The following UNC13C variants were observed in gnomAD, a reference collection of about 807,000 sequenced individuals.
UNC13C encodes the protein protein unc-13 homolog C.
In UNC13C, 174 loss-of-function variants were observed where a neutral mutation model predicts 245.4. The ratio of observed to expected loss-of-function variants is 0.71; its 90% CI spans 0.63 to 0.80. The LOEUF (loss-of-function observed/expected upper bound fraction) is 0.80, where lower values mean the gene tolerates loss of function less well. Ranked by LOEUF, UNC13C falls within the 30% of genes least tolerant of loss-of-function variation. The probability of loss-of-function intolerance (pLI) is 0.00; values close to 1 mark genes in which losing one functional copy is unlikely to be tolerated. For missense variants in UNC13C, 2,829 were observed against 2,602.9 expected (o/e 1.09, Z -1.89); for synonymous variants, 992 against 895.1 (o/e 1.11, Z -1.93).
At chr15:53,994,887 G>A (rs1440851867) in intron 1 of UNC13C, among the ~76,000 whole-genome samples, 1 of 152,070 alleles carries the variant, frequency 6.6e-6, no homozygotes, top group Non-Finnish European at 1.5e-5. Flanking sequence ...CTGAACTAAG[G>A]TGGTAGCTCT....
chr15:54,000,106 A>G (rs1026485474), intron 1 of UNC13C, among the ~76,000 whole-genome samples: 8 of 152,120 alleles, frequency 5.3e-5, no homozygotes, highest in Non-Finnish European at 1.0e-4. Flanking sequence ...ATTGCTTGAG[A>G]CAAGCAATTC....
rs1454239920 is a variant in UNC13C, at chr15:54,057,044, T to C, written c.2983+41158T>C. Among the ~76,000 whole-genome samples, 3 of 152,258 alleles carry C rather than the reference T, an allele frequency of 2.0e-5. No homozygotes were observed. In the East Asian group the frequency reaches 5.8e-4, roughly 29 times the overall value. ...AAGACCATCAAGGCTAGGAAGAAAC[T>C]GCATCAACTAATGAGCAAAATAACC... On this transcript the variant is annotated intron_variant, in intron 2 of 32. Transcript: ENST00000260323.
Position 54,265,344 on chromosome 15 carries a change from G to T in UNC13C, c.3677-11G>T. The T allele has an allele frequency of 2.7e-6, 4 of 1,476,040 alleles. No individual in the cohort carries two copies. The highest frequency in any genetic ancestry group is 3.6e-6 in the Non-Finnish European group (4 of 1,109,132). The allele number at this position is 1,476,040 out of a possible 1,614,324, so 91.4% of individuals were successfully genotyped here. A position where few individuals can be genotyped will look rare whatever the true frequency, so the allele number is the denominator to read the frequency against. ...TCTGTATGTTAAAATGTTTATTTTG[G>T]TTTATTTCAGTGGTTTCTGCACAGG... On this transcript the variant is annotated splice_polypyrimidine_tract_variant and intron_variant, in intron 9 of 32. Coordinates refer to ENST00000260323, the MANE Select transcript of UNC13C (RefSeq NM_001080534.3).
intron 30 of UNC13C, among the ~76,000 whole-genome samples, chr15:54,606,381 C>A (rs1242566204): frequency 6.6e-6 from 1 of 152,132 alleles, no homozygotes; most frequent in Non-Finnish European, 1.5e-5. Context: ...TGCATGTGTT[C>A]CATATTTAAT....
At chr15:54,322,534 C>G (rs187440106) in intron 14 of UNC13C, among the ~76,000 whole-genome samples, 193 of 152,110 alleles carry the variant, frequency 1.3e-3, no homozygotes, top group Non-Finnish European at 2.1e-3. Flanking sequence ...GATAGTGGCA[C>G]ATCCTCTAAG....
chr15:54,095,037 C>T (rs1236580927), intron 2 of UNC13C, among the ~76,000 whole-genome samples: 1 of 152,194 alleles, frequency 6.6e-6, no homozygotes, highest in African/African-American at 2.4e-5. Flanking sequence ...CACACAGATT[C>T]TCACACAGGT....
chr15:54,313,321 C>A (rs1404064244), intron 13 of UNC13C, among the ~76,000 whole-genome samples: 2 of 151,724 alleles, frequency 1.3e-5, no homozygotes, highest in African/African-American at 4.8e-5. Context: ...TACACTCTAA[C>A]TCTACATCAA....
intron 16 of UNC13C, among the ~76,000 whole-genome samples, chr15:54,337,034 A>T (rs1172345878): frequency 6.6e-6 from 1 of 152,118 alleles, no homozygotes; most frequent in African/African-American, 2.4e-5. Flanking sequence ...TAAAACTTCA[A>T]CTCTGTCCTT....
At chr15:54,231,974 C>T (rs1194750625) in intron 4 of UNC13C, among the ~76,000 whole-genome samples, 4 of 152,060 alleles carry the variant, frequency 2.6e-5, no homozygotes, top group African/African-American at 4.8e-5. Flanking sequence ...TCCAAGATCG[C>T]TCCTGGTAAG....
intron 17 of UNC13C, among the ~76,000 whole-genome samples, chr15:54,366,223 A>G (rs2039362086): frequency 1.3e-5 from 2 of 152,110 alleles, no homozygotes; most frequent in Non-Finnish European, 2.9e-5. Flanking sequence ...TCTACATATA[A>G]TTTGGGTGGT....
the UNC13C span, among the ~76,000 whole-genome samples, chr15:53,955,266 TACACACAC>T: frequency 0.041 from 6,112 of 149,610 alleles, 141 homozygotes; most frequent in Non-Finnish European, 0.057. Context: ...GACTTTTTCT[TACACACAC>T]ACACACACAC....
In UNC13C at chr15:54,555,509, C is replaced by G. The variant is rs749869448; in HGVS notation, c.5955C>G (p.Ile1985Met). ...TAATGGAGGTAGTCCTGGCTACCAT[C>G]AAGGTGAGATTATAATGCTCCTATA... The part of the protein sequence containing the change: ...CAIMEVVLAT[I>M]KQYFHAGGNG... Residue 1985 changes from isoleucine (I) to methionine (M), a missense_variant, in exon 29 of 33, where the codon ATC becomes ATG. Physicochemically the swap from Ile to Met is conservative, Grantham distance 10. Transcript: ENST00000260323. 19 of 1,610,460 alleles carry G rather than the reference C, an allele frequency of 1.2e-5. No individual in the cohort carries two copies. In the Middle Eastern group the frequency reaches 6.6e-4, roughly 56 times the overall value.
chr15:53,958,288 A>G, the UNC13C span, among the ~76,000 whole-genome samples: 2 of 152,208 alleles, frequency 1.3e-5, no homozygotes, highest in African/African-American at 2.4e-5. Flanking sequence ...CCCGAAAACC[A>G]TTCTCAAATT....
chr15:54,191,192 G>T lies in UNC13C; in HGVS notation c.3072-43838G>T, dbSNP rs147270763. Reference sequence around the variant, plus strand: ...ATGAGGTATTTCTCCTAATGCTATCGCTCCCCTAGCCCCCCACCCCATGAT... The same window carrying T: ...ATGAGGTATTTCTCCTAATGCTATCTCTCCCCTAGCCCCCCACCCCATGAT... On this transcript the variant is annotated intron_variant, in intron 4 of 32. Transcript: ENST00000260323. Among the ~76,000 whole-genome samples, 919 of 152,018 alleles carry T rather than the reference G, an allele frequency of 6.0e-3. 55 individuals are homozygous for T. The East Asian group carries it at 0.11, about 18-fold the overall frequency.
chr15:53,839,818 A>T, the UNC13C span, among the ~76,000 whole-genome samples: 1 of 151,884 alleles, frequency 6.6e-6, no homozygotes, highest in Non-Finnish European at 1.5e-5. Flanking sequence ...GGTTTTTTGA[A>T]GGTTGCCAAT....
At chr15:54,432,048 A>G (rs1241299159) in intron 19 of UNC13C, among the ~76,000 whole-genome samples, 1 of 151,594 alleles carries the variant, frequency 6.6e-6, no homozygotes, top group South Asian at 2.1e-4. Flanking sequence ...TATGATTTCT[A>G]TATATTTATA....
At chr15:54,237,433 G>A (rs879887108) in intron 6 of UNC13C, 186 bp from the exon 7 acceptor site, 9 of 690,200 alleles carry the variant, frequency 1.3e-5, no homozygotes, top group East Asian at 8.2e-5. Flanking sequence ...TTGTGGGATC[G>A]TTCCAGTTTT....
intron 10 of UNC13C, among the ~76,000 whole-genome samples, chr15:54,292,134 C>T (rs1466343785): frequency 6.6e-6 from 1 of 151,992 alleles, no homozygotes; most frequent in Non-Finnish European, 1.5e-5. Context: ...AAGTTCTTAA[C>T]AGCAACAACA....
intron 30 of UNC13C, among the ~76,000 whole-genome samples, chr15:54,577,549 G>A (rs1298467587): frequency 2.0e-5 from 3 of 152,146 alleles, no homozygotes; most frequent in Non-Finnish European, 2.9e-5. Context: ...TAAAAGGGAA[G>A]ACTACGTTCA....
Sources: gnomAD v4.1 joint callset for allele counts (sites outside exome capture counted in the v4.1 genomes callset) on GRCh38, gnomAD v4.1.1 for gene constraint, MANE v1.5 for transcripts, NCBI Gene and HGNC (gene_info 2026-07-23, HGNC 2026-07-21) for gene names.